The following MGMT variants were observed in gnomAD, a reference collection of about 807,000 sequenced individuals.
MGMT encodes methylated-DNA--protein-cysteine methyltransferase.
MGMT carries 14 observed loss-of-function variants against 15.9 expected under a neutral mutation model. The ratio of observed to expected loss-of-function variants is 0.88; its 90% confidence interval spans 0.58 to 1.37. MGMT has a LOEUF of 1.37. Among genes scored for constraint, MGMT ranks in the 40% most tolerant of loss-of-function variants. The pLI, the probability that MGMT is intolerant of heterozygous loss-of-function variation, is 0.00. For synonymous variants in MGMT, 130 were observed against 118.2 expected (o/e 1.10, Z -0.65); for missense variants, 282 against 268.1 (o/e 1.05, Z -0.36).
chr10:129,665,128 TCCACTCCTTCAGTCACCCAC>T (rs56957329), intron 2 of MGMT, among the ~76,000 whole-genome samples: 1 of 128,936 alleles, frequency 7.8e-6, no homozygotes, highest in Non-Finnish European at 1.6e-5. Context: ...CACCCACCCA[TCCACTCCTTCAGTCACCCAC>T]CCACTCCATC....
intron 2 of MGMT, among the ~76,000 whole-genome samples, chr10:129,638,703 C>G (rs1411309117): frequency 6.6e-6 from 1 of 152,044 alleles, no homozygotes; most frequent in East Asian, 1.9e-4. Context: ...CTTGGCAAAA[C>G]TATTCTCACA....
chr10:129,489,561 A>C (rs1473200251), intron 1 of MGMT, among the ~76,000 whole-genome samples: 1 of 152,030 alleles, frequency 6.6e-6, no homozygotes, highest in African/African-American at 2.4e-5. Flanking sequence ...TGTGGGGAGA[A>C]TAAGATCTTT....
At chr10:129,514,809 C>T (rs569773878) in intron 1 of MGMT, among the ~76,000 whole-genome samples, 1 of 152,332 alleles carries the variant, frequency 6.6e-6, no homozygotes, top group African/African-American at 2.4e-5. Context: ...TCCTGGCCTC[C>T]ACAACTGTGA....
intron 2 of MGMT, among the ~76,000 whole-genome samples, chr10:129,634,233 G>A (rs1184586763): frequency 1.3e-5 from 2 of 152,016 alleles, no homozygotes; most frequent in Non-Finnish European, 2.9e-5. Flanking sequence ...ATCTTTTTGT[G>A]CCTCTGTGTG....
chr10:129,733,638 C>T (rs1848527837), intron 3 of MGMT, among the ~76,000 whole-genome samples: 1 of 152,010 alleles, frequency 6.6e-6, no homozygotes, highest in African/African-American at 2.4e-5. Context: ...CTTGCCCATG[C>T]CTATGTCCTG....
chr10:129,499,771 G>T (rs1390034798), intron 1 of MGMT, among the ~76,000 whole-genome samples: 1 of 152,164 alleles, frequency 6.6e-6, no homozygotes, highest in African/African-American at 2.4e-5. Flanking sequence ...GACTTTAATG[G>T]ATACTGTACT....
intron 2 of MGMT, among the ~76,000 whole-genome samples, chr10:129,607,041 A>G (rs545262215): frequency 2.8e-4 from 42 of 152,178 alleles, no homozygotes; most frequent in Non-Finnish European, 4.0e-4. Flanking sequence ...TTCTTGCCCT[A>G]TGGTAGCTTC....
At chr10:129,720,816 C>T (rs1848361219) in intron 3 of MGMT, among the ~76,000 whole-genome samples, 2 of 152,100 alleles carry the variant, frequency 1.3e-5, no homozygotes, top group Non-Finnish European at 2.9e-5. Context: ...GTCCCTGGAC[C>T]TGGATCTCTC....
At chr10:129,616,123 G>A (rs561837958) in intron 2 of MGMT, among the ~76,000 whole-genome samples, 31 of 152,226 alleles carry the variant, frequency 2.0e-4, no homozygotes, top group African/African-American at 7.0e-4. Context: ...AAGGCAGGGT[G>A]TGGGCACCAC....
intron 1 of MGMT, among the ~76,000 whole-genome samples, chr10:129,471,752 G>A (rs112936267): frequency 1.7e-4 from 26 of 152,228 alleles, no homozygotes; most frequent in African/African-American, 5.3e-4. Context: ...AGACCCTAAT[G>A]CTTGAGCACC....
At chr10:129,499,306 A>G (rs1007059712) in intron 1 of MGMT, among the ~76,000 whole-genome samples, 23 of 152,380 alleles carry the variant, frequency 1.5e-4, no homozygotes, top group African/African-American at 5.3e-4. Context: ...ATAGAAAATG[A>G]AATCCTTTTG....
chr10:129,554,818 T>G (rs1456195289), intron 2 of MGMT, among the ~76,000 whole-genome samples: 1 of 152,172 alleles, frequency 6.6e-6, no homozygotes, highest in East Asian at 1.9e-4. Context: ...CTTCCTGGCA[T>G]TATTACCCAG....
Position 129,660,754 on chromosome 10 carries a change from AG to A in MGMT, c.126-47140del, listed in dbSNP as rs552648341. On this transcript the variant is annotated intron_variant, in intron 2 of 4. Coordinates refer to ENST00000651593, the MANE Select transcript of MGMT (RefSeq NM_002412.5). Reference sequence around the variant, plus strand: ...CAAGGGAGACCTTTTCTTTTCACAAAGAGGAAGATCCCCCACCCCCAACACA... The same window carrying A: ...CAAGGGAGACCTTTTCTTTTCACAAAAGGAAGATCCCCCACCCCCAACACA... Among the ~76,000 whole-genome samples the A allele has an allele frequency of 1.5e-4, 22 of 148,354 alleles. No individual in the cohort carries two copies. The South Asian group carries it at 3.6e-3, about 25-fold the overall frequency.
At chr10:129,657,705 A>ACACACG (rs1554874751) in intron 2 of MGMT, among the ~76,000 whole-genome samples, 9 of 137,700 alleles carry the variant, frequency 6.5e-5, no homozygotes, top group African/African-American at 2.7e-4. Flanking sequence ...ACACACACAC[A>ACACACG]CGCACACACA....
At position 129,578,543 on chromosome 10, in the gene MGMT, G is replaced by A. The variant is rs1589876549; in HGVS notation, c.125+42166G>A. The stretch of plus-strand genomic sequence containing the variant: ...CACTGGGGACTGTTGTGGGGTGGGA[G>A]GAGGGGGAGGGGTAGCATTAGGAGA... On this transcript the variant is annotated intron_variant, in intron 2 of 4. Coordinates refer to ENST00000651593, the MANE Select transcript of MGMT (RefSeq NM_002412.5). Among the ~76,000 whole-genome samples, 3 of 152,122 alleles carry A rather than the reference G, an allele frequency of 2.0e-5. No individual in the cohort carries two copies. The South Asian group carries it at 6.3e-4, about 32-fold the overall frequency.
intron 1 of MGMT, among the ~76,000 whole-genome samples, chr10:129,481,698 A>G (rs1294004567): frequency 6.6e-6 from 1 of 152,118 alleles, no homozygotes; most frequent in Non-Finnish European, 1.5e-5. Context: ...TGACCATTTC[A>G]TCTAAGTTTG....
rs1045882149 is a variant in MGMT, at chr10:129,749,091, G to C, written c.275-10111G>C. 9.2e-5 allele frequency among the ~76,000 whole-genome samples: 14 copies of C among 152,262 alleles called. 1 individual carries two copies. The highest frequency in any genetic ancestry group is 3.4e-4 in the African/African-American group (14 of 41,538). Reference sequence around the variant, plus strand: ...AATACAGTCAGATTCTCTTGTCACAGTCTGTGTTTCTTCCCAGGATCCCCT... The same window carrying C: ...AATACAGTCAGATTCTCTTGTCACACTCTGTGTTTCTTCCCAGGATCCCCT... On this transcript the variant is annotated intron_variant, in intron 3 of 4. Transcript: ENST00000651593.
rs551152941 is a variant in MGMT, at chr10:129,613,367, A to G, written c.125+76990A>G. Among the ~76,000 whole-genome samples the G allele has an allele frequency of 2.6e-5, 4 of 152,338 alleles. No individual in the cohort carries two copies. In the South Asian group the frequency reaches 6.2e-4, roughly 24 times the overall value. The stretch of plus-strand genomic sequence containing the variant: ...ATTTTGCCTGTGATTTGAATATCAC[A>G]TGCTTGGTCCGGGCACTTAGGTGGG... On this transcript the variant is annotated intron_variant, in intron 2 of 4. Transcript: ENST00000651593.
In MGMT at chr10:129,556,091, G is replaced by A. The variant is rs1378628052; in HGVS notation, c.125+19714G>A. Among the ~76,000 whole-genome samples the A allele has an allele frequency of 6.6e-6, 1 of 152,200 alleles. No homozygotes were observed. Among genetic ancestry groups the A allele is most frequent in the Non-Finnish European group, 1.5e-5 (1 of 68,034 alleles). On this transcript the variant is annotated intron_variant, in intron 2 of 4. Transcript: ENST00000651593. The surrounding 1 kb of genome is among the most constrained non-coding windows in gnomAD (Gnocchi z 4.3). The stretch of plus-strand genomic sequence containing the variant: ...TGTCTCCTCAGTTTACAGAGTCCAT[G>A]TTTTTGGTGACTCTTGCCTTGGACC...
Sources: gnomAD v4.1 joint callset for allele counts (sites outside exome capture counted in the v4.1 genomes callset) on GRCh38, gnomAD v4.1.1 for gene constraint, Gnocchi (gnomAD v3.1) non-coding constraint, MANE v1.5 for transcripts, NCBI Gene and HGNC (gene_info 2026-07-23, HGNC 2026-07-21) for gene names.